SLC24A3: variants seen among roughly 807,000 people sequenced by gnomAD.
SLC24A3 encodes solute carrier family 24 member 3, also known as sodium/potassium/calcium exchanger 3.
SLC24A3 carries 28 observed loss-of-function variants against 75.8 expected under a neutral mutation model. The observed-to-expected ratio is 0.37, with a 90% CI of 0.27 to 0.51. SLC24A3 has a LOEUF of 0.51. Among genes scored for constraint, SLC24A3 ranks in the 20% least tolerant of loss-of-function variants. The probability of loss-of-function intolerance (pLI) is 0.94; values close to 1 mark genes in which losing one functional copy is unlikely to be tolerated. For synonymous variants in SLC24A3, 372 were observed against 334.1 expected (o/e 1.11, Z -1.24); for missense variants, 663 against 847.8 (o/e 0.78, Z 2.71).
intron 2 of SLC24A3, among the ~76,000 whole-genome samples, chr20:19,346,372 TGTATATATATG>T (rs1350014223): frequency 1.5e-5 from 2 of 134,784 alleles, no homozygotes; most frequent in Non-Finnish European, 3.1e-5. Flanking sequence ...ATATATGTGG[TGTATATATATG>T]GTATATATAT....
Position 19,321,280 on chromosome 20 carries a change from A to T in SLC24A3, c.271+40193A>T, listed in dbSNP as rs551422378. On this transcript the variant is annotated intron_variant, in intron 2 of 16. Coordinates refer to ENST00000328041, the MANE Select transcript of SLC24A3 (RefSeq NM_020689.4). ...AGACATTGGAGCAGTAACCTTAAGA[A>T]GTTTAAAAACAATACAAGTAAGGTT... Among the ~76,000 whole-genome samples, 4 of 152,304 alleles carry T rather than the reference A, an allele frequency of 2.6e-5. No homozygotes were observed. The South Asian group carries it at 8.3e-4, about 32-fold the overall frequency.
chr20:19,709,979 C>T (rs1045434780), intron 15 of SLC24A3, among the ~76,000 whole-genome samples: 3 of 152,176 alleles, frequency 2.0e-5, no homozygotes, highest in Non-Finnish European at 4.4e-5. Flanking sequence ...TGGGCTGGGT[C>T]ACTGTCTTAC....
intron 2 of SLC24A3, among the ~76,000 whole-genome samples, chr20:19,493,101 C>G (rs1032057853): frequency 6.6e-6 from 1 of 152,202 alleles, no homozygotes; most frequent in African/African-American, 2.4e-5. Context: ...AATGGTTGGC[C>G]TGGCCTCGTT....
At chr20:19,307,488 A>G (rs1984360254) in intron 2 of SLC24A3, among the ~76,000 whole-genome samples, 1 of 152,256 alleles carries the variant, frequency 6.6e-6, no homozygotes, top group Non-Finnish European at 1.5e-5. Context: ...CATCCTCAGC[A>G]AAGTAACACA....
intron 6 of SLC24A3, among the ~76,000 whole-genome samples, chr20:19,610,450 A>G (rs939790976): frequency 6.6e-6 from 1 of 152,226 alleles, no homozygotes; most frequent in Non-Finnish European, 1.5e-5. Flanking sequence ...GCTGCCTGCC[A>G]TGCCTCTTGA....
chr20:19,331,873 G>C (rs1199188023), intron 2 of SLC24A3, among the ~76,000 whole-genome samples: 3 of 152,230 alleles, frequency 2.0e-5, no homozygotes, highest in Non-Finnish European at 4.4e-5. Flanking sequence ...CGTGATGGGG[G>C]TCGATGGGAG....
chr20:19,628,179 G>A (rs2031888594), intron 6 of SLC24A3, among the ~76,000 whole-genome samples: 1 of 142,600 alleles, frequency 7.0e-6, no homozygotes, highest in Admixed American at 7.1e-5. Flanking sequence ...ACTCCAGCCT[G>A]GCGACACAGC....
intron 2 of SLC24A3, among the ~76,000 whole-genome samples, chr20:19,389,322 A>T (rs1360179892): frequency 6.6e-6 from 1 of 152,160 alleles, no homozygotes; most frequent in Non-Finnish European, 1.5e-5. Flanking sequence ...ATTGAGTTTT[A>T]TACTTTTACA....
At chr20:19,443,613 T>C (rs1987330591) in intron 2 of SLC24A3, among the ~76,000 whole-genome samples, 1 of 152,194 alleles carries the variant, frequency 6.6e-6, no homozygotes, top group Non-Finnish European at 1.5e-5. Flanking sequence ...TTCTGAAACC[T>C]GTAAGAGGAC....
intron 2 of SLC24A3, among the ~76,000 whole-genome samples, chr20:19,444,269 C>T (rs964780618): frequency 6.6e-6 from 1 of 152,116 alleles, no homozygotes; most frequent in African/African-American, 2.4e-5. Context: ...CATCTATGTT[C>T]ATGAGACATA....
intron 2 of SLC24A3, among the ~76,000 whole-genome samples, chr20:19,315,237 A>G (rs1337330423): frequency 6.6e-6 from 1 of 152,170 alleles, no homozygotes; most frequent in Non-Finnish European, 1.5e-5. Flanking sequence ...CCTCTTCTCC[A>G]TCAAACTAGG....
intron 7 of SLC24A3, among the ~76,000 whole-genome samples, chr20:19,661,164 C>A (rs1045043789): frequency 1.3e-5 from 2 of 152,086 alleles, no homozygotes; most frequent in Non-Finnish European, 2.9e-5. Context: ...TAACAACCCC[C>A]ATCTCCTATA....
intron 1 of SLC24A3, among the ~76,000 whole-genome samples, chr20:19,267,881 CT>C (rs2122205826): frequency 6.6e-6 from 1 of 152,256 alleles, no homozygotes; most frequent in African/African-American, 2.4e-5. Flanking sequence ...GTGGCCATGT[CT>C]TCCCAGAAAA....
intron 6 of SLC24A3, among the ~76,000 whole-genome samples, chr20:19,647,729 T>C (rs1192786818): frequency 6.6e-6 from 1 of 152,230 alleles, no homozygotes; most frequent in Non-Finnish European, 1.5e-5. Context: ...TCCTGAGGCA[T>C]CTCCAGGTCA....
At chr20:19,295,065 G>A (rs1460996155) in intron 2 of SLC24A3, among the ~76,000 whole-genome samples, 1 of 152,154 alleles carries the variant, frequency 6.6e-6, no homozygotes, top group African/African-American at 2.4e-5. Flanking sequence ...GTGATATTGA[G>A]CTTTTGTTCA....
At chr20:19,702,142 A>G (rs996013832) in intron 15 of SLC24A3, among the ~76,000 whole-genome samples, 1 of 152,228 alleles carries the variant, frequency 6.6e-6, no homozygotes, top group Non-Finnish European at 1.5e-5. Flanking sequence ...TCAGCACACC[A>G]TAAATCATTC....
chr20:19,716,588 C>T (rs2033049332), intron 15 of SLC24A3, among the ~76,000 whole-genome samples: 1 of 151,976 alleles, frequency 6.6e-6, no homozygotes, highest in Admixed American at 6.6e-5. Flanking sequence ...GTGTCTCATG[C>T]TTGTAATGAG....
chr20:19,654,485 C>G (rs1600323393), intron 7 of SLC24A3, among the ~76,000 whole-genome samples: 1 of 151,920 alleles, frequency 6.6e-6, no homozygotes, highest in African/African-American at 2.4e-5. Context: ...TGCCAGGACT[C>G]CCTGCCCTCC....
At position 19,548,912 on chromosome 20, in the gene SLC24A3, C is replaced by T. The variant is rs895854636; in HGVS notation, c.349-31088C>T. The stretch of plus-strand genomic sequence containing the variant: ...TGAACATAATAAGGGATTATTTCTT[C>T]CTCACACAAATATTCCAAGGTAGTT... On this transcript the variant is annotated intron_variant, in intron 3 of 16. Coordinates refer to ENST00000328041, the MANE Select transcript of SLC24A3 (RefSeq NM_020689.4). Among the ~76,000 whole-genome samples, 4 of 152,344 alleles carry T rather than the reference C, an allele frequency of 2.6e-5. No individual in the cohort carries two copies. The South Asian group carries it at 8.3e-4, about 32-fold the overall frequency.
Sources: gnomAD v4.1 joint callset for allele counts (sites outside exome capture counted in the v4.1 genomes callset) on GRCh38, gnomAD v4.1.1 for gene constraint, MANE v1.5 for transcripts, NCBI Gene and HGNC (gene_info 2026-07-23, HGNC 2026-07-21) for gene names.